The following SUSD6 variants were observed in gnomAD, a reference collection of about 807,000 sequenced individuals.
The protein encoded by SUSD6 is sushi domain containing 6.
In SUSD6, 16 loss-of-function variants were observed where a neutral mutation model predicts 28.4. The observed-to-expected ratio is 0.56, with a 90% CI of 0.38 to 0.86. The LOEUF is 0.86. SUSD6 is among the 40% of genes least tolerant of loss of function. The pLI, the probability that SUSD6 is intolerant of heterozygous loss-of-function variation, is 0.00. For missense variants in SUSD6, 341 were observed against 384.2 expected (o/e 0.89, Z 0.94); for synonymous variants, 147 against 159.6 (o/e 0.92, Z 0.59).
intron 2 of SUSD6, among the ~76,000 whole-genome samples, chr14:69,662,970 C>T (rs1885684985): frequency 6.6e-6 from 1 of 152,176 alleles, no homozygotes. Flanking sequence ...TGTTGAGTTA[C>T]AAGGTGCAGT....
Position 69,714,440 on chromosome 14 carries a change from C to T in SUSD6, c.*3461C>T, listed in dbSNP as rs1045397009. On this transcript the variant is annotated 3_prime_UTR_variant, in exon 6 of 6. Transcript: ENST00000342745. ...ATTTCTGCATCCTTACTCCTCACCCCCAAAGAAAAAAAAAAGGCCTAGCAG... is the reference window on the plus strand; with the variant it reads ...ATTTCTGCATCCTTACTCCTCACCCTCAAAGAAAAAAAAAAGGCCTAGCAG... 6.6e-6 allele frequency: 1 copy of T among 151,786 alleles called. No individual in the cohort carries two copies. The highest frequency in any genetic ancestry group is 1.5e-5 in the Non-Finnish European group (1 of 67,952). The allele number at this position is 151,786 out of a possible 1,614,324, so 9.4% of individuals were successfully genotyped here. A position where few individuals can be genotyped will look rare whatever the true frequency, so the allele number is the denominator to read the frequency against.
intron 1 of SUSD6, among the ~76,000 whole-genome samples, chr14:69,642,710 T>A (rs113506632): frequency 0.03 from 4,239 of 143,426 alleles, 74 homozygotes; most frequent in Middle Eastern, 0.07. Context: ...CAATTCAAGG[T>A]GAGATTTGGT....
At chr14:69,698,552 A>G (rs952326576) in intron 2 of SUSD6, among the ~76,000 whole-genome samples, 2 of 152,066 alleles carry the variant, frequency 1.3e-5, no homozygotes, top group African/African-American at 4.8e-5. Context: ...TTGTTTTGGA[A>G]TGTTGTAAAA....
At chr14:69,663,555 A>G (rs1027021136) in intron 2 of SUSD6, among the ~76,000 whole-genome samples, 4 of 152,224 alleles carry the variant, frequency 2.6e-5, no homozygotes, top group Admixed American at 6.5e-5. Context: ...GAGAGGAGAA[A>G]ACAAATGGGA....
At chr14:69,634,626 T>G (rs552553250) in intron 1 of SUSD6, among the ~76,000 whole-genome samples, 1 of 152,336 alleles carries the variant, frequency 6.6e-6, no homozygotes, top group Non-Finnish European at 1.5e-5. Flanking sequence ...CAGTTTAGAT[T>G]TATGAGGCAC....
chr14:69,676,060 C>T (rs1410459421), intron 2 of SUSD6, among the ~76,000 whole-genome samples: 1 of 152,184 alleles, frequency 6.6e-6, no homozygotes, highest in Non-Finnish European at 1.5e-5. Context: ...GTCAGGGTCT[C>T]ACAGTCTAAT....
intron 2 of SUSD6, among the ~76,000 whole-genome samples, chr14:69,698,521 C>T (rs1392861427): frequency 6.6e-6 from 1 of 152,116 alleles, no homozygotes; most frequent in Non-Finnish European, 1.5e-5. Flanking sequence ...GGGGCCTTTC[C>T]TGGAGCTTAT....
At chr14:69,697,344 T>G (rs911928743) in intron 2 of SUSD6, among the ~76,000 whole-genome samples, 1 of 152,180 alleles carries the variant, frequency 6.6e-6, no homozygotes, top group Non-Finnish European at 1.5e-5. Context: ...TGATTTAGAA[T>G]GCCATGCCTA....
Position 69,658,638 on chromosome 14 carries a change from G to T in SUSD6, c.46G>T (p.Val16Leu). The T allele has an allele frequency of 1.2e-6, 2 of 1,614,082 alleles. No homozygotes were observed. The highest frequency in any genetic ancestry group is 1.1e-5 in the South Asian group (1 of 91,080). ...IAPKSTSVFA[V>L]ASVGHGVFLP... ...ACCAAAGAGCACCTCAGTGTTTGCC[G>T]TGGCCTCCGTGGGACATGGAGTGTT... Residue 16 changes from valine (V) to leucine (L), a missense_variant, in exon 2 of 6, where the codon GTG (valine) becomes TTG (leucine). Coordinates refer to ENST00000342745, the MANE Select transcript of SUSD6 (RefSeq NM_014734.4).
intron 2 of SUSD6, among the ~76,000 whole-genome samples, chr14:69,665,047 G>T (rs1376073654): frequency 6.6e-6 from 1 of 152,164 alleles, no homozygotes; most frequent in Middle Eastern, 3.2e-3. Flanking sequence ...GATCAGATCA[G>T]GAGAGACCTT....
intron 1 of SUSD6, among the ~76,000 whole-genome samples, chr14:69,651,304 T>C (rs1274139146): frequency 6.6e-6 from 1 of 152,076 alleles, no homozygotes; most frequent in African/African-American, 2.4e-5. Context: ...TTGTCTGAAG[T>C]TGGGGAAAGC....
chr14:69,677,580 G>A (rs1192933278), intron 2 of SUSD6, among the ~76,000 whole-genome samples: 1 of 150,082 alleles, frequency 6.7e-6, no homozygotes, highest in Non-Finnish European at 1.5e-5. Flanking sequence ...TGTTTTTACA[G>A]ACCTGTTTGG....
At chr14:69,634,890 T>C (rs1050704758) in intron 1 of SUSD6, among the ~76,000 whole-genome samples, 10 of 152,238 alleles carry the variant, frequency 6.6e-5, no homozygotes, top group Admixed American at 6.5e-4. Flanking sequence ...CTGTTGCTTT[T>C]GAAAAGTAAT....
In SUSD6 at chr14:69,704,669, G is replaced by C. The variant is rs377565654; in HGVS notation, c.385G>C (p.Val129Leu). 3 of 1,614,176 alleles carry C rather than the reference G, an allele frequency of 1.9e-6. No homozygotes were observed. Among genetic ancestry groups the C allele is most frequent in the South Asian group, 2.2e-5 (2 of 91,088 alleles). ...LSIVASTASS[V>L]ALILLLVVLF... ...TATAGTGGCTTCTACTGCCAGCTCC[G>C]TGGCGCTCATTCTCCTCCTCGTGGT... Residue 129 changes from valine (V) to leucine (L), a missense_variant, in exon 4 of 6, where the codon GTG becomes CTG. Transcript: ENST00000342745.
chr14:69,680,644 T>C (rs1446372994), intron 2 of SUSD6, among the ~76,000 whole-genome samples: 1 of 152,248 alleles, frequency 6.6e-6, no homozygotes, highest in African/African-American at 2.4e-5. Flanking sequence ...GCTGCTTCTG[T>C]ATCCTATCCT....
chr14:69,667,424 T>C (rs987697374), intron 2 of SUSD6, among the ~76,000 whole-genome samples: 6 of 140,722 alleles, frequency 4.3e-5, no homozygotes, highest in Non-Finnish European at 7.5e-5. Context: ...TCGCCCAGGC[T>C]GGAGTGCAGT....
chr14:69,714,863 C>T lies in SUSD6; in HGVS notation c.*3884C>T, dbSNP rs989180873. 1 of 152,184 alleles carries T rather than the reference C, an allele frequency of 6.6e-6. No homozygotes were observed. The highest frequency in any genetic ancestry group is 2.4e-5 in the African/African-American group (1 of 41,436). 9.4% of individuals were successfully genotyped at this position (152,184 alleles called of 1,614,324 possible). ...TGTGTGGCAGTCCCCACACCCTGCCCTGGCTTCTTCAGGTTATCGCACCAC... is the reference window on the plus strand; with the variant it reads ...TGTGTGGCAGTCCCCACACCCTGCCTTGGCTTCTTCAGGTTATCGCACCAC... On this transcript the variant is annotated 3_prime_UTR_variant, in exon 6 of 6. Transcript: ENST00000342745.
At chr14:69,710,539 C>T (rs576848762) in intron 5 of SUSD6, among the ~76,000 whole-genome samples, 4 of 152,104 alleles carry the variant, frequency 2.6e-5, no homozygotes, top group Non-Finnish European at 5.9e-5. Flanking sequence ...AGCTTGAGGC[C>T]CACAGCATAT....
At chr14:69,682,572 A>G (rs1886012235) in intron 2 of SUSD6, among the ~76,000 whole-genome samples, 1 of 152,236 alleles carries the variant, frequency 6.6e-6, no homozygotes, top group Non-Finnish European at 1.5e-5. Context: ...AGTTATTGCA[A>G]AAAGATTTTG....
Sources: gnomAD v4.1 joint callset for allele counts (sites outside exome capture counted in the v4.1 genomes callset) on GRCh38, gnomAD v4.1.1 for gene constraint, MANE v1.5 for transcripts, NCBI Gene and HGNC (gene_info 2026-07-23, HGNC 2026-07-21) for gene names.